NUBPL: variants seen among roughly 807,000 people sequenced by gnomAD.
NUBPL encodes the protein NUBP iron-sulfur cluster assembly factor, mitochondrial, also known as iron-sulfur cluster transfer protein NUBPL.
NUBPL carries 31 observed loss-of-function variants against 45.7 expected under a neutral mutation model. That is an observed-to-expected ratio of 0.68 (90% CI 0.51 to 0.92). The LOEUF (loss-of-function observed/expected upper bound fraction) is 0.92. Ranked by LOEUF, NUBPL falls within the 40% of genes least tolerant of loss-of-function variation. NUBPL has a pLI of 0.00. For synonymous variants in NUBPL, 144 were observed against 140.9 expected (o/e 1.02, Z -0.15); for missense variants, 401 against 398.7 (o/e 1.01, Z -0.05).
At chr14:31,686,052 T>TA (rs910975943) in intron 6 of NUBPL, among the ~76,000 whole-genome samples, 4 of 151,884 alleles carry the variant, frequency 2.6e-5, no homozygotes, top group East Asian at 3.9e-4. Flanking sequence ...TCAGAGGAAT[T>TA]AAAAAAAAGA....
chr14:31,703,657 G>T (rs2139900777), intron 6 of NUBPL, among the ~76,000 whole-genome samples: 1 of 152,314 alleles, frequency 6.6e-6, no homozygotes, highest in South Asian at 2.1e-4. Context: ...CTTGAGAACA[G>T]CATGGGAAAG....
At chr14:31,756,199 A>T (rs1363072050) in intron 6 of NUBPL, among the ~76,000 whole-genome samples, 1 of 152,092 alleles carries the variant, frequency 6.6e-6, no homozygotes, top group Non-Finnish European at 1.5e-5. Context: ...TTTTGGTTCC[A>T]TCTGAACTTT....
At chr14:31,666,242 TATATATATATATATATA>T (rs1303365002) in intron 4 of NUBPL, among the ~76,000 whole-genome samples, 1,202 of 29,124 alleles carry the variant, frequency 0.041, 95 homozygotes, top group Middle Eastern at 0.14. Context: ...TATATATATA[TATATATATATATATATA>T]TATAATTTTA....
chr14:31,739,087 C>T (rs1266316939), intron 6 of NUBPL, among the ~76,000 whole-genome samples: 1 of 150,342 alleles, frequency 6.7e-6, no homozygotes, highest in African/African-American at 2.4e-5. Flanking sequence ...AATCTCAGCT[C>T]ACTGCAACCT....
chr14:31,739,051 T>G (rs2038220391), intron 6 of NUBPL, among the ~76,000 whole-genome samples: 1 of 151,286 alleles, frequency 6.6e-6, no homozygotes, highest in Non-Finnish European at 1.5e-5. Flanking sequence ...CTCATTCTTG[T>G]CACCCAGGCT....
Position 31,826,698 on chromosome 14 carries a change from G to T in NUBPL, c.677G>T (p.Arg226Leu), listed in dbSNP as rs79498789. ...GCACACAAGGGTGCTGAGATGTTTCGCAGAGTCCACGTGCCCGTAAGCGTT... is the reference window on the plus strand; with the variant it reads ...GCACACAAGGGTGCTGAGATGTTTCTCAGAGTCCACGTGCCCGTAAGCGTT... ...MDAHKGAEMF[R>L]RVHVPVLGLV... The change falls in exon 8 of 11, where the codon CGC becomes CTC. Residue 226 changes from arginine to leucine, a missense_variant. Physicochemically the swap from Arg to Leu is moderately radical, Grantham distance 102 (BLOSUM62 -2). Coordinates refer to ENST00000281081, the MANE Select transcript of NUBPL (RefSeq NM_025152.3). 10 of 1,613,868 alleles carry T rather than the reference G, an allele frequency of 6.2e-6. No individual in the cohort carries two copies. Among genetic ancestry groups the T allele is most frequent in the Non-Finnish European group, 4.2e-6 (5 of 1,179,900 alleles).
At chr14:31,684,729 T>C (rs2036913784) in intron 6 of NUBPL, among the ~76,000 whole-genome samples, 1 of 152,224 alleles carries the variant, frequency 6.6e-6, no homozygotes, top group East Asian at 1.9e-4. Context: ...TAGGTGTTTT[T>C]TTCGTTTAGT....
chr14:31,835,824 G>A (rs1595694879), intron 8 of NUBPL, among the ~76,000 whole-genome samples: 2 of 152,214 alleles, frequency 1.3e-5, no homozygotes, highest in South Asian at 2.1e-4. Flanking sequence ...ACTGGTTTGA[G>A]TCTAACAAAG....
At chr14:31,747,448 T>C (rs1254598559) in intron 6 of NUBPL, among the ~76,000 whole-genome samples, 2 of 152,170 alleles carry the variant, frequency 1.3e-5, no homozygotes, top group East Asian at 3.9e-4. Context: ...GTCCTGGGCT[T>C]TTCTTTGATG....
chr14:31,789,965 A>G (rs942672826), intron 7 of NUBPL, among the ~76,000 whole-genome samples: 2 of 137,928 alleles, frequency 1.5e-5, no homozygotes, highest in Non-Finnish European at 3.2e-5. Context: ...TTTTATATTT[A>G]CAAATTTTAA....
intron 7 of NUBPL, among the ~76,000 whole-genome samples, chr14:31,813,276 C>T (rs140637215): frequency 1.3e-3 from 192 of 152,116 alleles, no homozygotes; most frequent in Non-Finnish European, 2.3e-3. Context: ...CGTGAGCCAC[C>T]GTGCCCAGCC....
chr14:31,653,842 A>G (rs1472611199), intron 4 of NUBPL, among the ~76,000 whole-genome samples: 1 of 152,186 alleles, frequency 6.6e-6, no homozygotes, highest in African/African-American at 2.4e-5. Context: ...AAGATATTAT[A>G]AGAGTATTAT....
intron 10 of NUBPL, among the ~76,000 whole-genome samples, chr14:31,850,775 A>G (rs1238567454): frequency 6.6e-6 from 1 of 151,222 alleles, no homozygotes; most frequent in Admixed American, 6.6e-5. Context: ...ACAGGTGTAC[A>G]CCACCATGCC....
At chr14:31,751,729 A>T (rs1471980063) in intron 6 of NUBPL, among the ~76,000 whole-genome samples, 2 of 152,202 alleles carry the variant, frequency 1.3e-5, no homozygotes, top group Non-Finnish European at 2.9e-5. Flanking sequence ...TCCCAGCTCC[A>T]CTAGGCAGTG....
intron 4 of NUBPL, among the ~76,000 whole-genome samples, chr14:31,626,260 C>T (rs1021883190): frequency 6.6e-6 from 1 of 151,932 alleles, no homozygotes; most frequent in Non-Finnish European, 1.5e-5. Flanking sequence ...TGGGTTCAAG[C>T]GATCCCCCTG....
intron 6 of NUBPL, among the ~76,000 whole-genome samples, chr14:31,705,368 T>C (rs1419547596): frequency 6.6e-6 from 1 of 152,226 alleles, no homozygotes; most frequent in African/African-American, 2.4e-5. Context: ...CGCCGGCTGC[T>C]GGCTGGGGTG....
At chr14:31,664,793 A>G (rs1376432280) in intron 4 of NUBPL, among the ~76,000 whole-genome samples, 2 of 152,140 alleles carry the variant, frequency 1.3e-5, no homozygotes, top group Admixed American at 6.6e-5. Flanking sequence ...GTTGTTTGTA[A>G]TAGTTTCAGA....
chr14:31,831,892 A>G (rs1254538508), intron 8 of NUBPL, among the ~76,000 whole-genome samples: 1 of 152,228 alleles, frequency 6.6e-6, no homozygotes, highest in African/African-American at 2.4e-5. Flanking sequence ...AGAGATGAAT[A>G]AAAAGAATAG....
At chr14:31,679,765 T>G (rs1488311058) in intron 6 of NUBPL, among the ~76,000 whole-genome samples, 3 of 152,192 alleles carry the variant, frequency 2.0e-5, no homozygotes, top group African/African-American at 7.2e-5. Flanking sequence ...TATTTTAGAT[T>G]CAATTTGTGC....
Sources: gnomAD v4.1 joint callset for allele counts (sites outside exome capture counted in the v4.1 genomes callset) on GRCh38, gnomAD v4.1.1 for gene constraint, MANE v1.5 for transcripts, NCBI Gene and HGNC (gene_info 2026-07-23, HGNC 2026-07-21) for gene names.